The following CSMD1 variants were observed in gnomAD, a reference collection of about 807,000 sequenced individuals.
The protein encoded by CSMD1 is CUB and Sushi multiple domains 1.
CSMD1 carries 213 observed loss-of-function variants against 417.5 expected under a neutral mutation model. That is an observed-to-expected ratio of 0.51 (90% CI 0.46 to 0.57). The LOEUF (loss-of-function observed/expected upper bound fraction) is 0.57, where lower values mean the gene tolerates loss of function less well. CSMD1 is among the 20% of genes least tolerant of loss of function. The probability of loss-of-function intolerance (pLI) is 0.00; values close to 1 mark genes in which losing one functional copy is unlikely to be tolerated. For missense variants in CSMD1, 6,923 were observed against 4,529.7 expected (o/e 1.53, Z -15.17); for synonymous variants, 2,862 against 1,736.8 (o/e 1.65, Z -16.11).
chr8:3,518,710 G>C (rs149982544), intron 10 of CSMD1, among the ~76,000 whole-genome samples: 1 of 152,166 alleles, frequency 6.6e-6, no homozygotes, highest in African/African-American at 2.4e-5. Flanking sequence ...GTAAGTAGTT[G>C]GTGTGGTTTT....
intron 1 of CSMD1, among the ~76,000 whole-genome samples, chr8:4,861,830 C>T (rs1802153422): frequency 6.6e-6 from 1 of 151,924 alleles, no homozygotes. Context: ...GTATTGATTT[C>T]ATAATATGTG....
At chr8:3,600,798 G>C (rs954664181) in intron 8 of CSMD1, among the ~76,000 whole-genome samples, 26 of 151,588 alleles carry the variant, frequency 1.7e-4, no homozygotes, top group African/African-American at 5.9e-4. Flanking sequence ...TGAATGTTTT[G>C]TAACATTCAT....
intron 4 of CSMD1, among the ~76,000 whole-genome samples, chr8:4,014,093 C>T (rs1796405692): frequency 6.6e-6 from 1 of 152,066 alleles, no homozygotes; most frequent in Non-Finnish European, 1.5e-5. Flanking sequence ...CATTTCAATG[C>T]CCTCAAACTC....
intron 3 of CSMD1, among the ~76,000 whole-genome samples, chr8:4,071,196 C>G (rs971109053): frequency 4.6e-5 from 7 of 150,642 alleles, no homozygotes; most frequent in African/African-American, 1.0e-4. Context: ...TTCTCCCTCT[C>G]TTTCTCCTTC....
At position 3,796,521 on chromosome 8, in the gene CSMD1, C is replaced by CATG. The variant is rs2129070503; in HGVS notation, c.819-42480_819-42479insCAT. ...GATATAGATATATATATCTATATAT[C>CATG]TATATCTAAGATATATATCTATATC... On this transcript the variant is annotated intron_variant, in intron 5 of 69. Coordinates refer to ENST00000635120, the MANE Select transcript of CSMD1 (RefSeq NM_033225.6). Among the ~76,000 whole-genome samples the CATG allele has an allele frequency of 2.9e-5, 4 of 140,252 alleles. No individual in the cohort carries two copies. In the South Asian group the frequency reaches 9.1e-4, roughly 32 times the overall value. 92.0% of individuals were successfully genotyped at this position (140,252 alleles called of 152,430 possible). A position where few individuals can be genotyped will look rare whatever the true frequency, so the allele number is the denominator to read the frequency against.
intron 28 of CSMD1, among the ~76,000 whole-genome samples, chr8:3,220,770 G>A (rs1042675531): frequency 6.6e-6 from 1 of 152,192 alleles, no homozygotes; most frequent in African/African-American, 2.4e-5. Flanking sequence ...AGCGGAGGTT[G>A]CAGTGAGTCA....
intron 10 of CSMD1, among the ~76,000 whole-genome samples, chr8:3,509,098 A>C (rs10108435): frequency 0.1 from 15,770 of 152,166 alleles, 889 homozygotes; most frequent in Middle Eastern, 0.17. Context: ...GACAAAATTA[A>C]TGCGTGCTCA....
intron 2 of CSMD1, among the ~76,000 whole-genome samples, chr8:4,591,664 G>C (rs970887644): frequency 3.9e-5 from 6 of 152,198 alleles, no homozygotes; most frequent in African/African-American, 9.7e-5. Flanking sequence ...ATGTAGGTCA[G>C]TGTCAGATTG....
At position 4,250,213 on chromosome 8, in the gene CSMD1, T is replaced by C. The variant is rs146961586; in HGVS notation, c.415+169740A>G. On this transcript the variant is annotated intron_variant, in intron 3 of 69. Transcript: ENST00000635120. ...TTTACAAAGTACCTGGTCTGTAGTA[T>C]TTTGTTACAACAACACAAATGTACT... 1.8e-3 allele frequency among the ~76,000 whole-genome samples: 269 copies of C among 152,310 alleles called. 1 individual carries two copies. The highest frequency in any genetic ancestry group is 6.2e-3 in the African/African-American group (259 of 41,564).
In CSMD1 at chr8:3,881,381, A is replaced by G. The variant is rs544488905; in HGVS notation, c.818+116522T>C. On this transcript the variant is annotated intron_variant, in intron 5 of 69. Transcript: ENST00000635120. ...CCGGGTGCGGTGGCTTATGCCTATAATCCCAGCACTTTGGGAGGCCGAGGC... is the reference window on the plus strand; with the variant it reads ...CCGGGTGCGGTGGCTTATGCCTATAGTCCCAGCACTTTGGGAGGCCGAGGC... Among the ~76,000 whole-genome samples, 268 of 151,882 alleles carry G rather than the reference A, an allele frequency of 1.8e-3. 1 individual carries two copies. Among genetic ancestry groups the G allele is most frequent in the Non-Finnish European group, 1.6e-3 (111 of 67,916 alleles).
chr8:4,316,837 T>C (rs1171792300), intron 3 of CSMD1, among the ~76,000 whole-genome samples: 1 of 152,116 alleles, frequency 6.6e-6, no homozygotes, highest in Non-Finnish European at 1.5e-5. Context: ...CGCAAAATAA[T>C]TGGTAGCTGC....
At chr8:4,951,244 C>A (rs944595806) in intron 1 of CSMD1, among the ~76,000 whole-genome samples, 3 of 152,090 alleles carry the variant, frequency 2.0e-5, no homozygotes, top group Admixed American at 1.3e-4. Flanking sequence ...CTGTCTCTTT[C>A]CTGTGTCATT....
chr8:3,300,636 C>G (rs1268381251), intron 25 of CSMD1, among the ~76,000 whole-genome samples: 1 of 152,018 alleles, frequency 6.6e-6, no homozygotes, highest in Non-Finnish European at 1.5e-5. Flanking sequence ...TACAAGACTA[C>G]TTGTCACATC....
intron 4 of CSMD1, among the ~76,000 whole-genome samples, chr8:4,009,442 T>C (rs1375192119): frequency 1.3e-5 from 2 of 152,212 alleles, no homozygotes; most frequent in Admixed American, 1.3e-4. Flanking sequence ...CAACAGCGGA[T>C]ACATCATTAA....
At chr8:4,592,585 C>T (rs1383083853) in intron 2 of CSMD1, among the ~76,000 whole-genome samples, 1 of 152,010 alleles carries the variant, frequency 6.6e-6, no homozygotes, top group Admixed American at 6.6e-5. Flanking sequence ...CAGAGTTTCA[C>T]CATGTTGGCC....
In CSMD1 at chr8:3,896,979, A is replaced by C. The variant is rs560974366; in HGVS notation, c.818+100924T>G. Reference sequence around the variant, plus strand: ...AAATCTGCTTAACATGACATCCTAGATAGCAATTCTAGTTTTCCATTTCTC... The same window carrying C: ...AAATCTGCTTAACATGACATCCTAGCTAGCAATTCTAGTTTTCCATTTCTC... On this transcript the variant is annotated intron_variant, in intron 5 of 69. Transcript: ENST00000635120. Among the ~76,000 whole-genome samples the C allele has an allele frequency of 3.3e-5, 5 of 152,046 alleles. No individual in the cohort carries two copies. The South Asian group carries it at 1.0e-3, about 32-fold the overall frequency.
chr8:4,618,173 C>G (rs1255458128), intron 2 of CSMD1, among the ~76,000 whole-genome samples: 1 of 152,104 alleles, frequency 6.6e-6, no homozygotes, highest in Non-Finnish European at 1.5e-5. Context: ...AGGGACCACC[C>G]ATAAGATGTG....
intron 11 of CSMD1, among the ~76,000 whole-genome samples, chr8:3,476,589 G>A (rs142984970): frequency 3.3e-5 from 5 of 152,026 alleles, no homozygotes; most frequent in African/African-American, 1.2e-4. Flanking sequence ...ACATCCATTG[G>A]TGTGACATTC....
intron 26 of CSMD1, among the ~76,000 whole-genome samples, chr8:3,235,583 A>T (rs887295385): frequency 1.3e-5 from 2 of 152,172 alleles, no homozygotes; most frequent in African/African-American, 4.8e-5. Flanking sequence ...TCTAAAAATC[A>T]TTGTTTAATC....
Sources: gnomAD v4.1 joint callset for allele counts (sites outside exome capture counted in the v4.1 genomes callset) on GRCh38, gnomAD v4.1.1 for gene constraint, MANE v1.5 for transcripts, NCBI Gene and HGNC (gene_info 2026-07-23, HGNC 2026-07-21) for gene names.